RASL11A: variants seen among roughly 807,000 people sequenced by gnomAD.
The protein encoded by RASL11A is ras-like protein family member 11A.
In RASL11A, 14 loss-of-function variants were observed where a neutral mutation model predicts 17.1. The observed-to-expected ratio is 0.82, with a 90% CI of 0.54 to 1.28. The LOEUF is 1.28. Among genes scored for constraint, RASL11A ranks in the 50% most tolerant of loss-of-function variants. RASL11A has a pLI of 0.00. For synonymous variants in RASL11A, 146 were observed against 132.5 expected, an observed-to-expected ratio of 1.10 and a Z score of -0.70; for missense variants, 283 against 312.3, an observed-to-expected ratio of 0.91 and a Z score of 0.71.
rs569623536 is a variant in RASL11A, at chr13:27,274,105, C to T, written c.*611C>T. Reference sequence around the variant, plus strand: ...ACTCTACCCATATTAAAAAACAACCCCTTTTCTAGTATTCCTTATGTCAGT... The same window carrying T: ...ACTCTACCCATATTAAAAAACAACCTCTTTTCTAGTATTCCTTATGTCAGT... On this transcript the variant is annotated 3_prime_UTR_variant, in exon 4 of 4. Coordinates refer to ENST00000241463, the MANE Select transcript of RASL11A (RefSeq NM_206827.2). Among the ~76,000 whole-genome samples the T allele has an allele frequency of 6.6e-6, 1 of 152,090 alleles. No individual in the cohort carries two copies. The highest frequency in any genetic ancestry group is 1.5e-5 in the Non-Finnish European group (1 of 68,028).
At chr13:27,272,475 G>T (rs1281555624) in intron 3 of RASL11A, among the ~76,000 whole-genome samples, 1 of 152,150 alleles carries the variant, frequency 6.6e-6, no homozygotes, top group Non-Finnish European at 1.5e-5. Context: ...GTTCCCTCAA[G>T]TCAGTAATTG....
rs1882287470 is a variant in RASL11A at position 27,271,516 on chromosome 13, A to G, written c.157A>G (p.Ile53Val). 1.2e-6 allele frequency: 2 copies of G among 1,614,198 alleles called. No homozygotes were observed. Among genetic ancestry groups the G allele is most frequent in the Non-Finnish European group, 8.5e-7 (1 of 1,180,020 alleles). Residue 53 changes from isoleucine to valine, a missense_variant, in exon 2 of 4, where the codon ATT (isoleucine) becomes GTT (valine). Transcript: ENST00000241463. ...MIVRFLTKRF[I>V]GDYEPNTGKL... ...CGTGCGCTTCCTGACCAAGAGATTC[A>G]TTGGAGACTATGAACCGAATACAGG...
intron 3 of RASL11A, 112 bp from the exon 4 acceptor site, chr13:27,272,915 T>G: frequency 1.2e-6 from 1 of 828,956 alleles, no homozygotes. Context: ...CTGAAAACTG[T>G]ATTTAGAGAT....
In RASL11A at chr13:27,274,796, C is replaced by T. The variant is rs1882433206; in HGVS notation, c.*1302C>T. 6.6e-6 allele frequency among the ~76,000 whole-genome samples: 1 copy of T among 152,196 alleles called. No homozygotes were observed. The highest frequency in any genetic ancestry group is 6.5e-5 in the Admixed American group (1 of 15,280). ...TAGCTGCATTTTATGATCCTGTCTT[C>T]CAATCTTCTAGTTCAGTGCTTCCCC... On this transcript the variant is annotated 3_prime_UTR_variant, in exon 4 of 4. Coordinates refer to ENST00000241463, the MANE Select transcript of RASL11A (RefSeq NM_206827.2).
In RASL11A at chr13:27,271,023, G is replaced by A; in HGVS notation, c.79G>A (p.Asp27Asn). The A allele has an allele frequency of 6.3e-7, 1 of 1,590,808 alleles. No individual in the cohort carries two copies. The highest frequency in any genetic ancestry group is 8.6e-7 in the Non-Finnish European group (1 of 1,168,716). Residue 27 changes from aspartate (D) to asparagine (N), a missense_variant, in exon 1 of 4, where the codon GAC becomes AAC. Physicochemically the swap from Asp to Asn is conservative, Grantham distance 23 (BLOSUM62 1). Transcript: ENST00000241463. ...CTCCTCGGACTACCTACTGCCCAAG[G>A]ACATCAAACTGGCGGTGCTGGGCGC... The part of the protein sequence containing the change: ...ESSSDYLLPK[D>N]IKLAVLGAGR...
At chr13:27,271,405 TC>T in intron 1 of RASL11A, 78 bp from the exon 2 acceptor site, 1 of 1,576,500 alleles carries the variant, frequency 6.3e-7, no homozygotes, top group Admixed American at 1.7e-5. Flanking sequence ...CACCCTTCAC[TC>T]CCCCCAGTTT....
Position 27,273,689 on chromosome 13 carries a change from ACTT to A in RASL11A, c.*196_*198del. 1.1e-4 allele frequency: 30 copies of A among 261,102 alleles called. No homozygotes were observed. Among genetic ancestry groups the A allele is most frequent in the Middle Eastern group, 1.1e-3 (1 of 932 alleles). The allele number at this position is 261,102 out of a possible 1,614,324, so 16.2% of individuals were successfully genotyped here. ...AATTTTGTTTTGTTTTATTAAAAGA[ACTT>A]TTTTTTTTTTTTTTTTTTTTTTTTT... On this transcript the variant is annotated 3_prime_UTR_variant, in exon 4 of 4. Coordinates refer to ENST00000241463, the MANE Select transcript of RASL11A (RefSeq NM_206827.2).
chr13:27,274,257 T>C lies in RASL11A; in HGVS notation c.*763T>C, dbSNP rs940812562. Reference sequence around the variant, plus strand: ...CTGTCCCTTAATCTAGACCTCCCTTTGACTGGCAGGCAAGAATCTAGGCAA... The same window carrying C: ...CTGTCCCTTAATCTAGACCTCCCTTCGACTGGCAGGCAAGAATCTAGGCAA... On this transcript the variant is annotated 3_prime_UTR_variant, in exon 4 of 4. Coordinates refer to ENST00000241463, the MANE Select transcript of RASL11A (RefSeq NM_206827.2). Among the ~76,000 whole-genome samples, 2 of 152,176 alleles carry C rather than the reference T, an allele frequency of 1.3e-5. No individual in the cohort carries two copies. Among genetic ancestry groups the C allele is most frequent in the African/African-American group, 4.8e-5 (2 of 41,442 alleles).
At position 27,273,257 on chromosome 13, in the gene RASL11A, G is replaced by A. The variant is rs201547230; in HGVS notation, c.492G>A (p.Gln164=). Reference sequence around the variant, plus strand: ...AGGTGCAGACACAGGACGGTATTCAGCTAGCCAATGAGCTGGGCAGCCTGT... The same window carrying A: ...AGGTGCAGACACAGGACGGTATTCAACTAGCCAATGAGCTGGGCAGCCTGT... ...ARQVQTQDGI[Q]LANELGSLFL... Residue 164 remains glutamine, a synonymous_variant, in exon 4 of 4, where the codon CAG becomes CAA. Coordinates refer to ENST00000241463, the MANE Select transcript of RASL11A (RefSeq NM_206827.2). 1.9e-6 allele frequency: 3 copies of A among 1,614,094 alleles called. No individual in the cohort carries two copies. Among genetic ancestry groups the A allele is most frequent in the South Asian group, 2.2e-5 (2 of 91,086 alleles).
rs556030427 is a variant in RASL11A at position 27,274,998 on chromosome 13, G to C, written c.*1504G>C. On this transcript the variant is annotated 3_prime_UTR_variant, in exon 4 of 4. Transcript: ENST00000241463. ...TGGTGGAAAGGGACTGACATATGCA[G>C]CTTCTGGCAATCACAGACCATTACC... Among the ~76,000 whole-genome samples, 4 of 152,298 alleles carry C rather than the reference G, an allele frequency of 2.6e-5. No individual in the cohort carries two copies. The highest frequency in any genetic ancestry group is 9.6e-5 in the African/African-American group (4 of 41,556).
intron 3 of RASL11A, 89 bp from the exon 4 acceptor site, chr13:27,272,938 T>C (rs1198698295): frequency 1.0e-6 from 1 of 992,324 alleles, no homozygotes; most frequent in African/African-American, 1.6e-5. Context: ...CTTTTTCAAG[T>C]GTTTCTTCAA....
At position 27,273,218 on chromosome 13, in the gene RASL11A, T is replaced by G. The variant is rs1203126414; in HGVS notation, c.453T>G (p.Leu151=). 2 of 1,614,168 alleles carry G rather than the reference T, an allele frequency of 1.2e-6. No individual in the cohort carries two copies. Among genetic ancestry groups the G allele is most frequent in the Admixed American group, 3.3e-5 (2 of 60,028 alleles). Residue 151 remains leucine (L), a synonymous_variant, in exon 4 of 4, where the codon CTT becomes CTG. Transcript: ENST00000241463. ...TCATCGTGGGCAACAAGGGGGACCTTTTGCATGCCCGGCAGGTGCAGACAC... is the reference window on the plus strand; with the variant it reads ...TCATCGTGGGCAACAAGGGGGACCTGTTGCATGCCCGGCAGGTGCAGACAC... ...PVIIVGNKGD[L]LHARQVQTQD... is the part of the protein sequence containing the mutation.
In RASL11A at chr13:27,271,550, C is replaced by T; in HGVS notation, c.181+10C>T. ...TATGAACCGAATACAGGTGAGAATA[C>T]TTTCACGCTCCCTGCTTTTATGCTT... On this transcript the variant is annotated intron_variant, in intron 2 of 3. Transcript: ENST00000241463. 1 of 1,613,982 alleles carries T rather than the reference C, an allele frequency of 6.2e-7. No homozygotes were observed. Among genetic ancestry groups the T allele is most frequent in the Non-Finnish European group, 8.5e-7 (1 of 1,179,834 alleles).
Position 27,270,993 on chromosome 13 carries a change from G to A in RASL11A, c.49G>A (p.Glu17Lys), listed in dbSNP as rs201895282. 4.4e-6 allele frequency: 7 copies of A among 1,595,740 alleles called. No homozygotes were observed. In the African/African-American group the frequency reaches 9.4e-5, roughly 21 times the overall value. The stretch of plus-strand genomic sequence containing the variant: ...GCACTTTCTGCTCGCACCCATCCCC[G>A]AGTCCTCCTCGGACTACCTACTGCC... The part of the protein sequence containing the change: ...SGHFLLAPIP[E>K]SSSDYLLPKD... Residue 17 changes from glutamate to lysine, a missense_variant, in exon 1 of 4, where the codon GAG (glutamate) becomes AAG (lysine). Physicochemically the swap from Glu to Lys is moderately conservative, Grantham distance 56 (BLOSUM62 1). Transcript: ENST00000241463.
At position 27,270,850 on chromosome 13, in the gene RASL11A, GACCTCTAGTCCCGC is replaced by G; in HGVS notation, c.-92_-79del. ...TCTGCAGGCAGCCGCCGCGGTCCCGGACCTCTAGTCCCGCACTCCCAGCTGGCGAGCCGGCTCCG... is the reference window on the plus strand; with the variant it reads ...TCTGCAGGCAGCCGCCGCGGTCCCGGACTCCCAGCTGGCGAGCCGGCTCCG... On this transcript the variant is annotated 5_prime_UTR_variant, in exon 1 of 4. Transcript: ENST00000241463. 6.7e-7 allele frequency: 1 copy of G among 1,487,026 alleles called. No homozygotes were observed. The highest frequency in any genetic ancestry group is 1.3e-5 in the South Asian group (1 of 76,920). 92.1% of individuals were successfully genotyped at this position (1,487,026 alleles called of 1,614,324 possible).
At chr13:27,272,963 T>C in intron 3 of RASL11A, 64 bp from the exon 4 acceptor site, 1 of 1,327,592 alleles carries the variant, frequency 7.5e-7, no homozygotes, top group Non-Finnish European at 1.1e-6. Context: ...TGCCTTGATG[T>C]TGTTTTGAGT....
At position 27,274,797 on chromosome 13, in the gene RASL11A, C is replaced by T. The variant is rs541092503; in HGVS notation, c.*1303C>T. ...AGCTGCATTTTATGATCCTGTCTTC[C>T]AATCTTCTAGTTCAGTGCTTCCCCA... is the stretch of plus-strand genomic sequence containing the variant. On this transcript the variant is annotated 3_prime_UTR_variant, in exon 4 of 4. Transcript: ENST00000241463. 1.3e-5 allele frequency among the ~76,000 whole-genome samples: 2 copies of T among 152,298 alleles called. No individual in the cohort carries two copies. Among genetic ancestry groups the T allele is most frequent in the South Asian group, 4.1e-4 (2 of 4,826 alleles).
intron 1 of RASL11A, 142 bp downstream of exon 1, chr13:27,271,210 T>A (rs1218855352): frequency 1.8e-5 from 26 of 1,454,226 alleles, no homozygotes; most frequent in Non-Finnish European, 2.3e-5. Context: ...GCTGGGTGGG[T>A]CCCGGTCCGT....
chr13:27,272,040 GA>G (rs1882308510), intron 3 of RASL11A, among the ~76,000 whole-genome samples: 1 of 152,070 alleles, frequency 6.6e-6, no homozygotes, highest in Non-Finnish European at 1.5e-5. Flanking sequence ...CATTAACAAA[GA>G]AAAAAACGTT....
Sources: gnomAD v4.1 joint callset for allele counts (sites outside exome capture counted in the v4.1 genomes callset) on GRCh38, gnomAD v4.1.1 for gene constraint, MANE v1.5 for transcripts, NCBI Gene and HGNC (gene_info 2026-07-23, HGNC 2026-07-21) for gene names.